ASTN2: variants seen among roughly 807,000 people sequenced by gnomAD.
The protein encoded by ASTN2 is astrotactin-2.
ASTN2 carries 54 observed loss-of-function variants against 139.8 expected under a neutral mutation model. The ratio of observed to expected loss-of-function variants is 0.39; its 90% CI spans 0.31 to 0.48. The LOEUF is 0.48. ASTN2 is among the 20% of genes least tolerant of loss of function. The pLI is 0.95. For synonymous variants in ASTN2, 756 were observed against 719.5 expected, an observed-to-expected ratio of 1.05 and a Z score of -0.81; for missense variants, 1,565 against 1,725.1, an observed-to-expected ratio of 0.91 and a Z score of 1.64.
intron 2 of ASTN2, among the ~76,000 whole-genome samples, chr9:117,279,157 A>G (rs10983603): frequency 0.036 from 5,543 of 152,300 alleles, 147 homozygotes; most frequent in South Asian, 0.13. Context: ...GGCTTGCCTC[A>G]ATATCTCATA....
chr9:116,839,166 C>G (rs945466679), intron 11 of ASTN2, among the ~76,000 whole-genome samples: 7 of 152,044 alleles, frequency 4.6e-5, no homozygotes, highest in Admixed American at 4.6e-4. Context: ...TTTTTACAGA[C>G]AAGGTCTTAC....
intron 22 of ASTN2, among the ~76,000 whole-genome samples, chr9:116,429,229 C>T (rs142562002): frequency 0.037 from 5,656 of 151,072 alleles, 128 homozygotes; most frequent in East Asian, 0.074. Context: ...ATCCCAGCTA[C>T]TCGGGAGGCT....
At chr9:116,847,242 A>G (rs551042412) in intron 11 of ASTN2, among the ~76,000 whole-genome samples, 1 of 152,204 alleles carries the variant, frequency 6.6e-6, no homozygotes, top group Non-Finnish European at 1.5e-5. Context: ...CAGCCTCCCA[A>G]GTAGCTGGGA....
intron 6 of ASTN2, among the ~76,000 whole-genome samples, chr9:117,037,502 T>G (rs1458537310): frequency 1.3e-5 from 2 of 152,168 alleles, no homozygotes; most frequent in African/African-American, 4.8e-5. Flanking sequence ...GAGAGGGGAA[T>G]TCACTTGGCT....
intron 13 of ASTN2, among the ~76,000 whole-genome samples, chr9:116,735,284 T>A (rs1160432399): frequency 6.6e-6 from 1 of 152,198 alleles, no homozygotes; most frequent in Non-Finnish European, 1.5e-5. Context: ...GGGTTCTACC[T>A]AGATGGTTGG....
chr9:116,463,725 A>G (rs895792973), intron 20 of ASTN2, among the ~76,000 whole-genome samples: 6 of 152,216 alleles, frequency 3.9e-5, no homozygotes, highest in Middle Eastern at 3.4e-3. Context: ...TAACTTCATT[A>G]TAGTTACATT....
At chr9:117,183,592 A>G (rs754419260) in intron 3 of ASTN2, among the ~76,000 whole-genome samples, 3 of 152,180 alleles carry the variant, frequency 2.0e-5, no homozygotes, top group Non-Finnish European at 2.9e-5. Context: ...CATAGCTAGT[A>G]AGTATCAGTA....
In ASTN2 at chr9:116,976,132, G is replaced by A. The variant is rs1233687215; in HGVS notation, c.1733C>T (p.Ala578Val). ...AACTCACCTGAGAATCTTTTCAGGGGCTTGCTCCCCTGTCACCAGATCATA... is the reference window on the plus strand; with the variant it reads ...AACTCACCTGAGAATCTTTTCAGGGACTTGCTCCCCTGTCACCAGATCATA... ...RGYDLVTGEQ[A>V]PEKILRSTFS... The change falls in exon 9 of 23, where the codon GCC becomes GTC. Residue 578 changes from alanine to valine, a missense_variant. Physicochemically the swap from Ala to Val is moderately conservative, Grantham distance 64. Around this residue, in one of 4 missense-constraint regions of ASTN2, gnomAD observed 503 missense variants for 591.7 expected, o/e 0.85. Transcript: ENST00000313400. The A allele has an allele frequency of 6.2e-7, 1 of 1,614,160 alleles. No individual in the cohort carries two copies. The highest frequency in any genetic ancestry group is 8.5e-7 in the Non-Finnish European group (1 of 1,180,024).
intron 13 of ASTN2, among the ~76,000 whole-genome samples, chr9:116,799,139 A>G (rs1830775908): frequency 6.6e-6 from 1 of 152,108 alleles, no homozygotes. Context: ...CAGCATGTTT[A>G]ATTAATCACC....
At chr9:116,803,209 A>T (rs1253015414) in intron 13 of ASTN2, among the ~76,000 whole-genome samples, 1 of 151,950 alleles carries the variant, frequency 6.6e-6, no homozygotes, top group African/African-American at 2.4e-5. Flanking sequence ...ACACTTTCAT[A>T]GACCATTAAA....
At chr9:117,314,269 G>A (rs1365608387) in intron 1 of ASTN2, among the ~76,000 whole-genome samples, 1 of 152,052 alleles carries the variant, frequency 6.6e-6, no homozygotes, top group Non-Finnish European at 1.5e-5. Context: ...ATATAGATGG[G>A]AAGTCTTATT....
intron 3 of ASTN2, among the ~76,000 whole-genome samples, chr9:117,195,532 G>C (rs1457137611): frequency 6.6e-6 from 1 of 152,126 alleles, no homozygotes; most frequent in Admixed American, 6.6e-5. Flanking sequence ...TAATTGTGGG[G>C]ATGTCAGGAA....
intron 3 of ASTN2, among the ~76,000 whole-genome samples, chr9:117,213,908 A>G (rs1832223340): frequency 6.6e-6 from 1 of 152,210 alleles, no homozygotes; most frequent in Non-Finnish European, 1.5e-5. Context: ...TTGTGTTGTC[A>G]AATTTCCCAA....
chr9:116,847,069 A>G (rs919200108), intron 11 of ASTN2, among the ~76,000 whole-genome samples: 3 of 151,220 alleles, frequency 2.0e-5, no homozygotes, highest in Admixed American at 1.3e-4. Context: ...ATATATTCTA[A>G]TGGGGGGAGA....
intron 1 of ASTN2, among the ~76,000 whole-genome samples, chr9:117,372,720 T>C (rs544009930): frequency 6.6e-6 from 1 of 152,294 alleles, no homozygotes; most frequent in South Asian, 2.1e-4. Flanking sequence ...ATTTAAAAAT[T>C]TTTAAATATG....
At chr9:116,440,569 A>C (rs1250264640) in intron 22 of ASTN2, 40 bp downstream of exon 22, 1 of 1,593,936 alleles carries the variant, frequency 6.3e-7, no homozygotes, top group African/African-American at 1.3e-5. Context: ...ACTGGAGGCA[A>C]AAAGAATATG....
intron 2 of ASTN2, among the ~76,000 whole-genome samples, chr9:117,244,820 A>G (rs1327228346): frequency 1.3e-5 from 2 of 151,786 alleles, no homozygotes; most frequent in African/African-American, 4.8e-5. Flanking sequence ...GGAAGGAAAG[A>G]TGGCTGGCTT....
At position 116,792,110 on chromosome 9, in the gene ASTN2, T is replaced by C. The variant is rs140326572; in HGVS notation, c.2396+13522A>G. The stretch of plus-strand genomic sequence containing the variant: ...TTTTTCTTTCCTCTCTTACCATAAA[T>C]ACGGGGAAAGATTACAGAGGGCTTG... On this transcript the variant is annotated intron_variant, in intron 13 of 22. Transcript: ENST00000313400. Among the ~76,000 whole-genome samples the C allele has an allele frequency of 1.1e-4, 17 of 152,230 alleles. No homozygotes were observed. The East Asian group carries it at 2.9e-3, about 26-fold the overall frequency.
At chr9:117,082,219 G>C (rs558564587) in intron 5 of ASTN2, among the ~76,000 whole-genome samples, 4 of 152,236 alleles carry the variant, frequency 2.6e-5, no homozygotes, top group South Asian at 2.1e-4. Context: ...AATCCAACTA[G>C]TCTCTTTCTC....
Sources: gnomAD v4.1 joint callset for allele counts (sites outside exome capture counted in the v4.1 genomes callset) on GRCh38, gnomAD v4.1.1 for gene constraint, gnomAD v4.1.1 regional missense constraint, MANE v1.5 for transcripts, NCBI Gene and HGNC (gene_info 2026-07-23, HGNC 2026-07-21) for gene names.